The following FAS variants were observed in gnomAD, a reference collection of about 807,000 sequenced individuals.
The protein encoded by FAS is tumor necrosis factor receptor superfamily member 6.
A neutral mutation model predicts 33.2 loss-of-function variants in FAS; 5 were observed. The observed-to-expected ratio is 0.15, with a 90% CI of 0.08 to 0.32. FAS has a LOEUF of 0.32. Ranked by LOEUF, FAS falls within the 10% of genes least tolerant of loss-of-function variation. FAS has a pLI of 1.00. For synonymous variants in FAS, 131 were observed against 130.7 expected (o/e 1.00, Z -0.01); for missense variants, 339 against 386.0 (o/e 0.88, Z 1.02).
chr10:88,973,130 G>A (rs1589417908), intron 1 of FAS: 1 of 1,518,572 alleles, frequency 6.6e-7, no homozygotes, highest in East Asian at 2.4e-5. Flanking sequence ...AATTTTTCCT[G>A]GGCCTTGCCT....
chr10:88,990,582 G>T (rs9658677), upstream of FAS: 4 of 664,540 alleles, frequency 6.0e-6, no homozygotes, highest in South Asian at 6.0e-5. This position sits in a 1 kb window ranked among gnomAD's most constrained non-coding sequence, Gnocchi z 4.9. Flanking sequence ...TCCCCAACCC[G>T]GGCGTTCCCC....
At position 89,015,336 on chromosome 10, in the gene FAS, A is replaced by C; in HGVS notation, c.*886A>C. On this transcript the variant is annotated 3_prime_UTR_variant, in exon 9 of 9. Coordinates refer to ENST00000652046, the MANE Select transcript of FAS (RefSeq NM_000043.6). ...ATTCTAGCCTGGTTTGGAGATACTA[A>C]CTGCTCTCAGAGAAAGTAGCTTTGT... The C allele has an allele frequency of 1.9e-6, 1 of 534,036 alleles. No homozygotes were observed. The highest frequency in any genetic ancestry group is 3.6e-6 in the Non-Finnish European group (1 of 276,066). The allele number at this position is 534,036 out of a possible 1,614,324, so 33.1% of individuals were successfully genotyped here.
chr10:89,011,266 C>G (rs1589483828), intron 6 of FAS, among the ~76,000 whole-genome samples: 1 of 152,162 alleles, frequency 6.6e-6, no homozygotes. Context: ...ACTTAAAATA[C>G]TATGGGGACA....
Position 88,995,196 on chromosome 10 carries a change from T to A in FAS, c.30+4290T>A, listed in dbSNP as rs7072828. On this transcript the variant is annotated intron_variant, in intron 1 of 8. Coordinates refer to ENST00000652046, the MANE Select transcript of FAS (RefSeq NM_000043.6). Reference sequence around the variant, plus strand: ...AAGTCTTTAGCTTTTTATATAGTTCTACTTCTAACACCAATTAAATATCTT... The same window carrying A: ...AAGTCTTTAGCTTTTTATATAGTTCAACTTCTAACACCAATTAAATATCTT... Among the ~76,000 whole-genome samples the A allele has an allele frequency of 4.6e-5, 7 of 151,920 alleles. No individual in the cohort carries two copies. In the East Asian group the frequency reaches 1.2e-3, roughly 25 times the overall value.
At chr10:88,974,321 C>T (rs1298783458) in intron 2 of FAS, 2 of 151,644 alleles carry the variant, frequency 1.3e-5, no homozygotes, top group Admixed American at 1.3e-4. Context: ...ATGTTCTTGA[C>T]ATTTTCCCCA....
At chr10:88,987,096 G>A (rs1338208119), upstream of FAS, among the ~76,000 whole-genome samples, 1 of 152,162 alleles carries the variant, frequency 6.6e-6, no homozygotes, top group African/African-American at 2.4e-5. Context: ...TTAATTGGTA[G>A]AAATAATTAT....
At chr10:88,965,971 C>A (rs976291628) in intron 1 of FAS, among the ~76,000 whole-genome samples, 2 of 152,104 alleles carry the variant, frequency 1.3e-5, no homozygotes, top group African/African-American at 4.8e-5. Context: ...TAAAGCATGG[C>A]CTGAATTTAC....
chr10:88,968,884 G>A (rs1402917444), intron 1 of FAS, among the ~76,000 whole-genome samples: 1 of 152,070 alleles, frequency 6.6e-6, no homozygotes, highest in Admixed American at 6.6e-5. Flanking sequence ...TAGATGTGGA[G>A]GATCTAGAAT....
intron 1 of FAS, among the ~76,000 whole-genome samples, chr10:88,972,886 A>C (rs1397296890): frequency 6.6e-6 from 1 of 152,178 alleles, no homozygotes; most frequent in Non-Finnish European, 1.5e-5. Flanking sequence ...TGAGACTCTT[A>C]CAGGTAATTT....
intron 2 of FAS, among the ~76,000 whole-genome samples, chr10:89,006,369 A>G (rs1848229880): frequency 6.6e-6 from 1 of 152,258 alleles, no homozygotes. Context: ...TTACTAAAAT[A>G]GCATATATAT....
At chr10:88,979,521 A>G (rs113619950) in intron 2 of FAS, among the ~76,000 whole-genome samples, 5 of 152,140 alleles carry the variant, frequency 3.3e-5, no homozygotes, top group African/African-American at 1.2e-4. Flanking sequence ...GGCAGCAATA[A>G]CCCTAATGAA....
Sources: allele counts gnomAD v4.1 joint callset (sites outside exome capture counted in the v4.1 genomes callset), GRCh38; gene constraint gnomAD v4.1.1; non-coding constraint Gnocchi (gnomAD v3.1); transcripts MANE v1.5; gene names NCBI Gene and HGNC (gene_info 2026-07-23, HGNC 2026-07-21).